RALYL: variants seen among roughly 807,000 people sequenced by gnomAD.
The protein encoded by RALYL is RNA-binding Raly-like protein.
Under a neutral mutation model 35.1 loss-of-function variants are expected in RALYL, and 29 were observed. The ratio of observed to expected loss-of-function variants is 0.83; its 90% confidence interval spans 0.61 to 1.13. The LOEUF (loss-of-function observed/expected upper bound fraction) is 1.13. RALYL is among the 50% of genes most tolerant of loss of function. The pLI, the probability that RALYL is intolerant of heterozygous loss-of-function variation, is 0.00. For missense variants in RALYL, 359 were observed against 360.4 expected, an observed-to-expected ratio of 1.00 and a Z score of 0.03; for synonymous variants, 120 against 127.6, an observed-to-expected ratio of 0.94 and a Z score of 0.40.
intron 2 of RALYL, among the ~76,000 whole-genome samples, chr8:84,746,240 A>T (rs1332268158): frequency 2.0e-5 from 3 of 152,078 alleles, no homozygotes; most frequent in Non-Finnish European, 4.4e-5. Context: ...GTTTTCCAAC[A>T]GATATTAGCT....
intron 1 of RALYL, among the ~76,000 whole-genome samples, chr8:84,398,854 G>T (rs888062989): frequency 1.3e-5 from 2 of 151,796 alleles, no homozygotes; most frequent in African/African-American, 4.8e-5. Flanking sequence ...TGCGCCCGTA[G>T]TCCCAGCTAC....
In RALYL at chr8:84,227,056, C is replaced by CT. The variant is rs1158995864; in HGVS notation, c.-24+42654dup. 8.8e-3 allele frequency among the ~76,000 whole-genome samples: 718 copies of CT among 81,830 alleles called. 45 individuals carry two copies. The highest frequency in any genetic ancestry group is 0.024 in the African/African-American group (477 of 20,282). 53.7% of individuals were successfully genotyped at this position (81,830 alleles called of 152,430 possible). A position where few individuals can be genotyped will look rare whatever the true frequency, so the allele number is the denominator to read the frequency against. On this transcript the variant is annotated intron_variant, in intron 1 of 8. Coordinates refer to ENST00000521268, the MANE Select transcript of RALYL (RefSeq NM_173848.7). ...TAGGCTTCCAGAAAAAATTGTATTTCTTTTTTTTTTTTTTTTTTTTTTGAG... is the reference window on the plus strand; with the variant it reads ...TAGGCTTCCAGAAAAAATTGTATTTCTTTTTTTTTTTTTTTTTTTTTTTGAG...
intron 1 of RALYL, among the ~76,000 whole-genome samples, chr8:84,397,777 G>A (rs188639535): frequency 4.4e-4 from 67 of 151,556 alleles, no homozygotes; most frequent in South Asian, 1.9e-3. Flanking sequence ...TGCATCAGTC[G>A]CAGACAAGCA....
chr8:84,744,230 T>C (rs1808080699), intron 2 of RALYL, among the ~76,000 whole-genome samples: 1 of 151,996 alleles, frequency 6.6e-6, no homozygotes, highest in African/African-American at 2.4e-5. Context: ...CTGCTCACTC[T>C]GTAATGTCCA....
At chr8:84,655,293 G>T (rs990223612) in intron 2 of RALYL, among the ~76,000 whole-genome samples, 1 of 150,948 alleles carries the variant, frequency 6.6e-6, no homozygotes, top group Admixed American at 6.6e-5. Context: ...AGATTATTAG[G>T]GTTTTTTTTT....
chr8:84,425,504 C>G (rs149170527), intron 1 of RALYL, among the ~76,000 whole-genome samples: 10 of 152,278 alleles, frequency 6.6e-5, no homozygotes, highest in African/African-American at 1.4e-4. Context: ...AGAAATCACC[C>G]GTCTTCTGCG....
chr8:84,271,442 T>C (rs1219601152), intron 1 of RALYL, among the ~76,000 whole-genome samples: 1 of 149,360 alleles, frequency 6.7e-6, no homozygotes, highest in Non-Finnish European at 1.5e-5. Context: ...ATAGTTTGCA[T>C]CTAGTAGCCA....
intron 3 of RALYL, among the ~76,000 whole-genome samples, chr8:84,794,405 A>G (rs112096053): frequency 1.4e-4 from 21 of 152,356 alleles, no homozygotes; most frequent in African/African-American, 5.1e-4. Flanking sequence ...GTTTCTCTGT[A>G]GGATTTAACA....
At chr8:84,444,222 G>A (rs2048630108) in intron 1 of RALYL, among the ~76,000 whole-genome samples, 1 of 152,012 alleles carries the variant, frequency 6.6e-6, no homozygotes, top group East Asian at 1.9e-4. Context: ...CTAGATGCTT[G>A]CGAAGCTGAG....
chr8:84,365,699 T>C (rs1854096288), intron 1 of RALYL, among the ~76,000 whole-genome samples: 1 of 152,216 alleles, frequency 6.6e-6, no homozygotes, highest in African/African-American at 2.4e-5. Context: ...ACTGATATCA[T>C]ATTAATCAAG....
rs143316914 is a variant in RALYL at position 84,471,851 on chromosome 8, G to A, written c.-23-57448G>A. Among the ~76,000 whole-genome samples, 13 of 152,142 alleles carry A rather than the reference G, an allele frequency of 8.5e-5. No homozygotes were observed. In the East Asian group the frequency reaches 2.5e-3, roughly 29 times the overall value. ...TAAGTTAATATTGCTAAAGTTCTTA[G>A]GACACTTACTTGGTACATAAAAAAT... is the stretch of plus-strand genomic sequence containing the variant. On this transcript the variant is annotated intron_variant, in intron 1 of 8. Coordinates refer to ENST00000521268, the MANE Select transcript of RALYL (RefSeq NM_173848.7).
chr8:84,905,654 A>G (rs1846361201), intron 8 of RALYL, among the ~76,000 whole-genome samples: 1 of 151,528 alleles, frequency 6.6e-6, no homozygotes, highest in Admixed American at 6.6e-5. Flanking sequence ...TGACACAACA[A>G]TGTTCTATTC....
chr8:84,392,696 A>T (rs1433784717), intron 1 of RALYL, among the ~76,000 whole-genome samples: 1 of 151,974 alleles, frequency 6.6e-6, no homozygotes, highest in African/African-American at 2.4e-5. Context: ...TTACAGGAAT[A>T]TTTCCTAGTT....
chr8:84,845,822 T>A (rs1161745969), intron 4 of RALYL, among the ~76,000 whole-genome samples: 1 of 152,202 alleles, frequency 6.6e-6, no homozygotes, highest in African/African-American at 2.4e-5. Context: ...AGTTTTTGTA[T>A]ATGGTGAAAG....
intron 1 of RALYL, among the ~76,000 whole-genome samples, chr8:84,505,283 T>C (rs561819672): frequency 6.6e-6 from 1 of 152,310 alleles, no homozygotes; most frequent in South Asian, 2.1e-4. Flanking sequence ...AATTTTTGCC[T>C]TAAAATTTGA....
chr8:84,693,610 A>G (rs958844182), intron 2 of RALYL, among the ~76,000 whole-genome samples: 2 of 151,930 alleles, frequency 1.3e-5, no homozygotes, highest in Non-Finnish European at 2.9e-5. Context: ...TTTTAGACGC[A>G]TTTTATGAGG....
chr8:84,727,358 A>C (rs996051782), intron 2 of RALYL, among the ~76,000 whole-genome samples: 1 of 152,138 alleles, frequency 6.6e-6, no homozygotes, highest in African/African-American at 2.4e-5. Flanking sequence ...GAAGGTATGC[A>C]ACGATTTCCC....
At chr8:84,825,395 G>A (rs1189317677) in intron 4 of RALYL, among the ~76,000 whole-genome samples, 2 of 152,198 alleles carry the variant, frequency 1.3e-5, no homozygotes, top group Non-Finnish European at 2.9e-5. Flanking sequence ...TACACTGTTG[G>A]TGGGAATGTA....
intron 8 of RALYL, among the ~76,000 whole-genome samples, chr8:84,918,035 T>C (rs931889835): frequency 6.6e-6 from 1 of 152,034 alleles, no homozygotes; most frequent in African/African-American, 2.4e-5. Context: ...TTGCTGTTCA[T>C]AAGACTTTGC....
Sources: allele counts gnomAD v4.1 joint callset (sites outside exome capture counted in the v4.1 genomes callset), GRCh38; gene constraint gnomAD v4.1.1; transcripts MANE v1.5; gene names NCBI Gene and HGNC (gene_info 2026-07-23, HGNC 2026-07-21).